The following WWP1 variants were observed in gnomAD, a reference collection of about 807,000 sequenced individuals.
WWP1 encodes the protein WW domain containing E3 ubiquitin protein ligase 1.
A neutral mutation model predicts 130.6 loss-of-function variants in WWP1; 49 were observed. The observed-to-expected ratio is 0.38, with a 90% CI of 0.30 to 0.48. WWP1 has a LOEUF of 0.48. WWP1 is among the 20% of genes least tolerant of loss of function. The pLI is 0.99. For synonymous variants in WWP1, 332 were observed against 367.8 expected, an observed-to-expected ratio of 0.90 and a Z score of 1.11; for missense variants, 809 against 1,100.6, an observed-to-expected ratio of 0.74 and a Z score of 3.75.
At chr8:86,465,752 T>A (rs1324890943) in intron 24 of WWP1, among the ~76,000 whole-genome samples, 4 of 151,876 alleles carry the variant, frequency 2.6e-5, no homozygotes, top group Non-Finnish European at 4.4e-5. Flanking sequence ...TAAAAAATAA[T>A]TTTTTTTTCT....
At chr8:86,346,116 T>C (rs1822561916) in intron 1 of WWP1, among the ~76,000 whole-genome samples, 1 of 152,348 alleles carries the variant, frequency 6.6e-6, no homozygotes, top group Non-Finnish European at 1.5e-5. Flanking sequence ...TCCTAGACTT[T>C]CATCAGAGTA....
Position 86,468,433 on chromosome 8 carries a change from TAAAAA to T in WWP1, c.*1546_*1550del, listed in dbSNP as rs200863041. The T allele has an allele frequency of 2.7e-5, 11 of 414,830 alleles. No homozygotes were observed. The highest frequency in any genetic ancestry group is 1.6e-4 in the South Asian group (9 of 56,046). The allele number at this position is 414,830 out of a possible 1,614,324, so 25.7% of individuals were successfully genotyped here. ...CTGGTAATTTTCAAGCCTAAAGAAT[TAAAAA>T]AAAAATTCTAATGTATGTGACAGGT... On this transcript the variant is annotated 3_prime_UTR_variant, in exon 25 of 25. Coordinates refer to ENST00000517970, the MANE Select transcript of WWP1 (RefSeq NM_007013.4).
In WWP1 at chr8:86,342,644, C is replaced by G. The variant is rs1477640363; in HGVS notation, c.-401C>G. ...CGCGCTTAGGGCGCGGCGCCGGCGACGCGGCCACGCGGCGCGCTCCCGAGG... is the reference window on the plus strand; with the variant it reads ...CGCGCTTAGGGCGCGGCGCCGGCGAGGCGGCCACGCGGCGCGCTCCCGAGG... On this transcript the variant is annotated 5_prime_UTR_variant, in exon 1 of 25. Transcript: ENST00000517970. 7.8e-6 allele frequency: 2 copies of G among 257,136 alleles called. No homozygotes were observed. Among genetic ancestry groups the G allele is most frequent in the Non-Finnish European group, 7.2e-6 (1 of 138,630 alleles). The allele number at this position is 257,136 out of a possible 1,614,324, so 15.9% of individuals were successfully genotyped here. A position where few individuals can be genotyped will look rare whatever the true frequency, so the allele number is the denominator to read the frequency against.
chr8:86,380,923 T>C, intron 4 of WWP1, 59 bp downstream of exon 4: 1 of 1,471,466 alleles, frequency 6.8e-7, no homozygotes, highest in South Asian at 1.6e-5. Context: ...TTTTGGAATA[T>C]GTTTTTTGTT....
intron 1 of WWP1, among the ~76,000 whole-genome samples, chr8:86,355,132 T>G (rs1369275488): frequency 6.6e-6 from 1 of 152,192 alleles, no homozygotes; most frequent in African/African-American, 2.4e-5. Context: ...AAATTGGCAC[T>G]TTGGAATTGA....
chr8:86,414,890 T>TCCCCCCCCC (rs1222505171), intron 9 of WWP1, among the ~76,000 whole-genome samples: 106 of 94,796 alleles, frequency 1.1e-3, no homozygotes, highest in African/African-American at 1.4e-3. Context: ...CCCCCCCCCA[T>TCCCCCCCCC]CCCCCCACCC....
At chr8:86,436,254 A>G (rs1451067080) in intron 16 of WWP1, among the ~76,000 whole-genome samples, 1 of 152,214 alleles carries the variant, frequency 6.6e-6, no homozygotes, top group East Asian at 1.9e-4. Context: ...GTTTTGACAC[A>G]ATACTTGGCT....
intron 20 of WWP1, among the ~76,000 whole-genome samples, chr8:86,449,164 T>G (rs1811043488): frequency 6.6e-6 from 1 of 152,210 alleles, no homozygotes; most frequent in Non-Finnish European, 1.5e-5. Flanking sequence ...GGCAGTTCTT[T>G]AAATCTCCTA....
intron 8 of WWP1, among the ~76,000 whole-genome samples, chr8:86,403,611 T>C (rs1808120599): frequency 6.6e-6 from 1 of 152,156 alleles, no homozygotes; most frequent in African/African-American, 2.4e-5. Context: ...AAGTCTTAAT[T>C]GTGTATTTTT....
chr8:86,384,761 G>T (rs1369413680), intron 5 of WWP1, among the ~76,000 whole-genome samples: 1 of 152,124 alleles, frequency 6.6e-6, no homozygotes, highest in East Asian at 1.9e-4. Context: ...GGCACTGTGG[G>T]AGGCTGAGGC....
intron 16 of WWP1, among the ~76,000 whole-genome samples, chr8:86,436,948 T>C (rs1167181858): frequency 2.9e-5 from 4 of 138,062 alleles, no homozygotes; most frequent in African/African-American, 1.0e-4. Context: ...TATTATCAAG[T>C]TGATTTTTTT....
intron 1 of WWP1, among the ~76,000 whole-genome samples, chr8:86,352,289 A>C (rs1284430060): frequency 6.6e-6 from 1 of 152,046 alleles, no homozygotes; most frequent in East Asian, 1.9e-4. Flanking sequence ...CAGTGGCGCT[A>C]TCTCGGCTCA....
intron 1 of WWP1, among the ~76,000 whole-genome samples, chr8:86,344,072 C>T (rs932490554): frequency 5.9e-5 from 9 of 151,834 alleles, no homozygotes; most frequent in South Asian, 2.1e-4. Context: ...GAAAGTCGTT[C>T]TTTTATTGTG....
chr8:86,459,224 C>CTAAAATGCAAAACAT (rs1554576456), intron 22 of WWP1, among the ~76,000 whole-genome samples: 1 of 150,282 alleles, frequency 6.7e-6, no homozygotes. Context: ...TTAGTAGAGA[C>CTAAAATGCAAAACAT]GGGGTTTCAC....
At chr8:86,374,514 A>AC (rs60878605) in intron 3 of WWP1, among the ~76,000 whole-genome samples, 65,112 of 151,952 alleles carry the variant, frequency 0.43, 15,192 homozygotes, top group Non-Finnish European at 0.53. Flanking sequence ...GGTACTCATT[A>AC]TATGAATTTA....
chr8:86,421,315 A>G (rs528519063), intron 9 of WWP1, among the ~76,000 whole-genome samples: 7 of 152,142 alleles, frequency 4.6e-5, no homozygotes, highest in East Asian at 1.9e-4. Context: ...GCATTTTGTG[A>G]CTTAGGTTTG....
At chr8:86,347,984 A>T (rs1367913861) in intron 1 of WWP1, among the ~76,000 whole-genome samples, 1 of 152,170 alleles carries the variant, frequency 6.6e-6, no homozygotes, top group Non-Finnish European at 1.5e-5. Context: ...CTCAACCTGT[A>T]TCATGATATT....
intron 9 of WWP1, among the ~76,000 whole-genome samples, chr8:86,424,490 G>A (rs1422527364): frequency 2.5e-4 from 38 of 151,718 alleles, no homozygotes; most frequent in East Asian, 2.0e-4. Flanking sequence ...CCGAGATCAC[G>A]CCACTGCACT....
chr8:86,413,747 G>A (rs1808715601), intron 9 of WWP1, among the ~76,000 whole-genome samples: 1 of 152,230 alleles, frequency 6.6e-6, no homozygotes, highest in South Asian at 2.1e-4. Flanking sequence ...ATGCTGAAGA[G>A]AAAACAGCCC....
Sources: gnomAD v4.1 joint callset for allele counts (sites outside exome capture counted in the v4.1 genomes callset) on GRCh38, gnomAD v4.1.1 for gene constraint, MANE v1.5 for transcripts, NCBI Gene and HGNC (gene_info 2026-07-23, HGNC 2026-07-21) for gene names.